DNM3: variants seen among roughly 807,000 people sequenced by gnomAD.
The protein encoded by DNM3 is dynamin 3, also known as dynamin-3.
A neutral mutation model predicts 101.6 loss-of-function variants in DNM3; 47 were observed. That is an observed-to-expected ratio of 0.46 (90% CI 0.37 to 0.59). The LOEUF (loss-of-function observed/expected upper bound fraction) is 0.59, where lower values mean the gene tolerates loss of function less well. Ranked by LOEUF, DNM3 falls within the 20% of genes least tolerant of loss-of-function variation. The probability of loss-of-function intolerance (pLI) is 0.00; values close to 1 mark genes in which losing one functional copy is unlikely to be tolerated. For synonymous variants in DNM3, 385 were observed against 387.9 expected (o/e 0.99, Z 0.09); for missense variants, 849 against 1,085.7 (o/e 0.78, Z 3.06).
At chr1:171,913,555 G>GAACC (rs2039472856) in intron 1 of DNM3, among the ~76,000 whole-genome samples, 1 of 152,168 alleles carries the variant, frequency 6.6e-6, no homozygotes, top group African/African-American at 2.4e-5. Context: ...AAAGTTCCCG[G>GAACC]ATTTGGGCAT....
intron 17 of DNM3, among the ~76,000 whole-genome samples, chr1:172,347,780 C>T (rs189983944): frequency 9.9e-5 from 15 of 152,234 alleles, no homozygotes; most frequent in Middle Eastern, 3.4e-3. Context: ...ACGTTCATAA[C>T]AGCACTGTTT....
chr1:172,378,669 A>G (rs2068737566), intron 17 of DNM3, among the ~76,000 whole-genome samples: 1 of 152,024 alleles, frequency 6.6e-6, no homozygotes, highest in Admixed American at 6.6e-5. Context: ...TTTGCATCAT[A>G]TGTTTGGATT....
intron 6 of DNM3, 92 bp from the exon 7 acceptor site, chr1:172,038,227 C>A: frequency 6.7e-7 from 1 of 1,488,946 alleles, no homozygotes; most frequent in Non-Finnish European, 9.1e-7. Context: ...ATTAGAAAAA[C>A]AATGGAGGCG....
chr1:172,278,349 C>G (rs924846669), intron 15 of DNM3, among the ~76,000 whole-genome samples: 18 of 150,134 alleles, frequency 1.2e-4, no homozygotes, highest in African/African-American at 4.5e-4. Flanking sequence ...TTTGGTTTCC[C>G]TGGCCACATT....
chr1:172,122,030 A>T (rs2056353613), intron 13 of DNM3, among the ~76,000 whole-genome samples: 1 of 152,164 alleles, frequency 6.6e-6, no homozygotes, highest in South Asian at 2.1e-4. Flanking sequence ...AATCTGTTTC[A>T]GTTTTTTCAA....
intron 17 of DNM3, chr1:172,339,027 T>C (rs765220862): frequency 2.1e-5 from 10 of 481,824 alleles, no homozygotes; most frequent in Middle Eastern, 3.2e-4. Context: ...ATGATGTTCA[T>C]TGACATTTGG....
At chr1:172,250,833 A>G (rs571838483) in intron 14 of DNM3, among the ~76,000 whole-genome samples, 1 of 152,226 alleles carries the variant, frequency 6.6e-6, no homozygotes, top group Admixed American at 6.6e-5. Flanking sequence ...AGAGTTAAGT[A>G]CATGGGGTAT....
intron 1 of DNM3, among the ~76,000 whole-genome samples, chr1:171,889,884 A>G (rs1361502969): frequency 6.6e-6 from 1 of 152,224 alleles, no homozygotes; most frequent in Admixed American, 6.5e-5. Context: ...TATTTCACCC[A>G]TTAATATTTA....
chr1:172,278,782 A>T (rs1206365612), intron 15 of DNM3, among the ~76,000 whole-genome samples: 1 of 152,114 alleles, frequency 6.6e-6, no homozygotes, highest in Non-Finnish European at 1.5e-5. Flanking sequence ...GCATTTCCAT[A>T]ACAAACCCCA....
At chr1:172,281,494 G>T (rs544890004) in intron 15 of DNM3, among the ~76,000 whole-genome samples, 9 of 152,100 alleles carry the variant, frequency 5.9e-5, no homozygotes, top group Admixed American at 2.6e-4. Flanking sequence ...GCCATATGGA[G>T]CTCTAATAGA....
At chr1:172,273,418 A>G (rs947298529) in intron 15 of DNM3, among the ~76,000 whole-genome samples, 4 of 152,118 alleles carry the variant, frequency 2.6e-5, no homozygotes, top group Non-Finnish European at 4.4e-5. Flanking sequence ...TTTTAAAACT[A>G]CAAGTTTTGT....
chr1:171,851,351 C>G (rs751414473), intron 1 of DNM3, among the ~76,000 whole-genome samples: 10 of 152,184 alleles, frequency 6.6e-5, no homozygotes, highest in Non-Finnish European at 1.2e-4. Context: ...TTTATCTAAG[C>G]TGAAACATAC....
At chr1:172,054,573 G>A (rs1022614649) in intron 10 of DNM3, among the ~76,000 whole-genome samples, 1 of 151,548 alleles carries the variant, frequency 6.6e-6, no homozygotes, top group Non-Finnish European at 1.5e-5. Flanking sequence ...GACATTCTTG[G>A]ATCATTATTA....
chr1:172,043,630 G>C lies in DNM3; in HGVS notation c.1129-755G>C, dbSNP rs558595595. On this transcript the variant is annotated intron_variant, in intron 8 of 20. Transcript: ENST00000627582. The stretch of plus-strand genomic sequence containing the variant: ...AGCAGGAAGAGGTAGGCTACAGGAG[G>C]GGGTGATCCAGACAGGAGAGGAATG... 6.6e-5 allele frequency among the ~76,000 whole-genome samples: 10 copies of C among 152,192 alleles called. No individual in the cohort carries two copies. The South Asian group carries it at 1.9e-3, about 28-fold the overall frequency.
At chr1:172,063,725 G>T (rs370634687) in intron 10 of DNM3, among the ~76,000 whole-genome samples, 106 of 143,260 alleles carry the variant, frequency 7.4e-4, no homozygotes, top group African/African-American at 2.6e-3. Context: ...GTTGCAGTGA[G>T]CCAAGATGTA....
chr1:172,016,488 T>C (rs903046680), intron 4 of DNM3, among the ~76,000 whole-genome samples: 2 of 152,234 alleles, frequency 1.3e-5, no homozygotes, highest in Non-Finnish European at 2.9e-5. Context: ...TCCCACTACA[T>C]TGTTGGACTT....
At chr1:172,283,249 C>T (rs769595829) in intron 15 of DNM3, among the ~76,000 whole-genome samples, 3 of 152,172 alleles carry the variant, frequency 2.0e-5, no homozygotes, top group Non-Finnish European at 4.4e-5. Context: ...TTAGCCTCAT[C>T]TCTCTTCTCT....
intron 14 of DNM3, among the ~76,000 whole-genome samples, chr1:172,157,622 G>C (rs1282280382): frequency 6.6e-6 from 1 of 152,014 alleles, no homozygotes; most frequent in African/African-American, 2.4e-5. Flanking sequence ...AATTGGGTCT[G>C]TACTGAACAT....
At chr1:172,099,896 C>T (rs558211611) in intron 13 of DNM3, among the ~76,000 whole-genome samples, 1 of 152,124 alleles carries the variant, frequency 6.6e-6, no homozygotes, top group African/African-American at 2.4e-5. Flanking sequence ...GATGAAATGT[C>T]CTTGGTTGGA....
Sources: gnomAD v4.1 joint callset for allele counts (sites outside exome capture counted in the v4.1 genomes callset) on GRCh38, gnomAD v4.1.1 for gene constraint, MANE v1.5 for transcripts, NCBI Gene and HGNC (gene_info 2026-07-23, HGNC 2026-07-21) for gene names.